The following ANKS1B variants were observed in gnomAD, a reference collection of about 807,000 sequenced individuals.
ANKS1B encodes ankyrin repeat and sterile alpha motif domain containing 1B.
In ANKS1B, 36 loss-of-function variants were observed where a neutral mutation model predicts 148.3. That is an observed-to-expected ratio of 0.24 (90% CI 0.19 to 0.32). ANKS1B has a LOEUF of 0.32. Among genes scored for constraint, ANKS1B ranks in the 10% least tolerant of loss-of-function variants. The pLI is 1.00. For missense variants in ANKS1B, 1,157 were observed against 1,542.6 expected, an observed-to-expected ratio of 0.75 and a Z score of 4.19; for synonymous variants, 542 against 560.8, an observed-to-expected ratio of 0.97 and a Z score of 0.47.
intron 9 of ANKS1B, among the ~76,000 whole-genome samples, chr12:99,572,538 G>A (rs1377833995): frequency 6.6e-6 from 1 of 152,006 alleles, no homozygotes; most frequent in Non-Finnish European, 1.5e-5. Context: ...AAATTCAACA[G>A]TTACAGTCTA....
chr12:99,231,290 T>TA (rs2086796794), intron 14 of ANKS1B, among the ~76,000 whole-genome samples: 7 of 152,126 alleles, frequency 4.6e-5, no homozygotes, highest in Admixed American at 4.6e-4. Context: ...GTTCTCTACT[T>TA]ACACCCCCTC....
At chr12:99,064,419 C>G (rs1372854827) in intron 16 of ANKS1B, among the ~76,000 whole-genome samples, 1 of 152,160 alleles carries the variant, frequency 6.6e-6, no homozygotes, top group Admixed American at 6.5e-5. Flanking sequence ...CTTCCAACAG[C>G]ACAGAATAGC....
intron 17 of ANKS1B, among the ~76,000 whole-genome samples, chr12:98,942,829 TC>T (rs1412520813): frequency 6.6e-6 from 1 of 151,966 alleles, no homozygotes; most frequent in African/African-American, 2.4e-5. Flanking sequence ...ACGCCAAACC[TC>T]AAAAAAGAAT....
intron 10 of ANKS1B, among the ~76,000 whole-genome samples, chr12:99,465,876 C>A (rs1392607673): frequency 6.6e-6 from 1 of 152,132 alleles, no homozygotes; most frequent in African/African-American, 2.4e-5. Context: ...CAACATTAGA[C>A]AGATCAACGA....
intron 9 of ANKS1B, among the ~76,000 whole-genome samples, chr12:99,568,717 T>C (rs990807808): frequency 3.3e-5 from 5 of 152,232 alleles, no homozygotes; most frequent in Non-Finnish European, 7.3e-5. Flanking sequence ...CATCATGTTC[T>C]TAAGGAGTTG....
At chr12:99,545,198 G>A (rs1596718953) in intron 9 of ANKS1B, among the ~76,000 whole-genome samples, 1 of 152,044 alleles carries the variant, frequency 6.6e-6, no homozygotes, top group South Asian at 2.1e-4. Flanking sequence ...GTCTGAAAAC[G>A]AAATTAGACT....
intron 15 of ANKS1B, among the ~76,000 whole-genome samples, chr12:99,096,274 T>G (rs2056087233): frequency 6.6e-6 from 1 of 152,148 alleles, no homozygotes; most frequent in South Asian, 2.1e-4. Context: ...TGGCGATTAT[T>G]GAAAGAGTTG....
intron 17 of ANKS1B, among the ~76,000 whole-genome samples, chr12:98,914,091 A>G (rs2099790660): frequency 6.6e-6 from 1 of 152,054 alleles, no homozygotes; most frequent in Admixed American, 6.6e-5. Flanking sequence ...TGGAGGTGGA[A>G]TCTGGTGGGA....
chr12:99,266,046 T>C (rs1442072214), intron 12 of ANKS1B, among the ~76,000 whole-genome samples: 1 of 152,212 alleles, frequency 6.6e-6, no homozygotes. Flanking sequence ...TCCAAGGTAA[T>C]ACAGAAAGGA....
At chr12:98,873,455 A>G (rs915422309) in intron 17 of ANKS1B, among the ~76,000 whole-genome samples, 1 of 152,254 alleles carries the variant, frequency 6.6e-6, no homozygotes, top group African/African-American at 2.4e-5. Flanking sequence ...AAAGAGAAGT[A>G]TTAAGTGATA....
At chr12:99,331,958 C>G (rs532377006) in intron 12 of ANKS1B, among the ~76,000 whole-genome samples, 4 of 152,116 alleles carry the variant, frequency 2.6e-5, no homozygotes, top group Admixed American at 2.6e-4. Flanking sequence ...GATTAAATAT[C>G]AGTCCCTAAC....
At chr12:98,856,357 A>T (rs936109381) in intron 17 of ANKS1B, among the ~76,000 whole-genome samples, 1 of 152,208 alleles carries the variant, frequency 6.6e-6, no homozygotes, top group African/African-American at 2.4e-5. Context: ...CTTTGATTTG[A>T]GGCAGACCTA....
intron 1 of ANKS1B, among the ~76,000 whole-genome samples, chr12:99,872,442 T>G (rs548429488): frequency 3.2e-4 from 48 of 151,922 alleles, no homozygotes; most frequent in Non-Finnish European, 5.9e-4. Flanking sequence ...AGGGGAAAAA[T>G]AAGGAGAGAA....
At chr12:99,961,488 A>T (rs908528297) in intron 1 of ANKS1B, among the ~76,000 whole-genome samples, 9 of 152,058 alleles carry the variant, frequency 5.9e-5, no homozygotes, top group African/African-American at 2.2e-4. Flanking sequence ...ATGCTACAAG[A>T]TCCTATCTCC....
At chr12:99,963,058 C>G (rs936765468) in intron 1 of ANKS1B, among the ~76,000 whole-genome samples, 1 of 152,118 alleles carries the variant, frequency 6.6e-6, no homozygotes, top group Non-Finnish European at 1.5e-5. Flanking sequence ...CGTGATGCAC[C>G]CACCTCGGCC....
intron 11 of ANKS1B, among the ~76,000 whole-genome samples, chr12:99,443,462 C>T (rs985891698): frequency 1.2e-4 from 18 of 151,934 alleles, no homozygotes; most frequent in Non-Finnish European, 5.9e-5. Context: ...GTAACAGGCA[C>T]AATTCATTTT....
chr12:99,909,337 T>C (rs747374435), intron 1 of ANKS1B, among the ~76,000 whole-genome samples: 7 of 151,766 alleles, frequency 4.6e-5, no homozygotes, highest in African/African-American at 7.3e-5. Context: ...CCATGGTAGA[T>C]ACTGCTGCAA....
intron 11 of ANKS1B, among the ~76,000 whole-genome samples, chr12:99,418,480 G>A (rs1340837694): frequency 2.0e-5 from 3 of 152,000 alleles, no homozygotes; most frequent in Non-Finnish European, 2.9e-5. Flanking sequence ...CTTGCATCCC[G>A]TGACCTTGTT....
intron 14 of ANKS1B, among the ~76,000 whole-genome samples, chr12:99,178,825 T>C (rs535499483): frequency 5.3e-5 from 8 of 152,278 alleles, no homozygotes; most frequent in African/African-American, 1.9e-4. Context: ...AATAAAATAG[T>C]AAGAACAAAA....
Sources: gnomAD v4.1 joint callset for allele counts (sites outside exome capture counted in the v4.1 genomes callset) on GRCh38, gnomAD v4.1.1 for gene constraint, MANE v1.5 for transcripts, NCBI Gene and HGNC (gene_info 2026-07-23, HGNC 2026-07-21) for gene names.